Variants in GLIS3 observed in about 807,000 individuals in gnomAD.
GLIS3 encodes zinc finger protein GLIS3.
A neutral mutation model predicts 78.6 loss-of-function variants in GLIS3; 53 were observed. The observed-to-expected ratio is 0.67, with a 90% CI of 0.54 to 0.85. The LOEUF (loss-of-function observed/expected upper bound fraction) is 0.85. GLIS3 is among the 40% of genes least tolerant of loss of function. GLIS3 has a pLI of 0.00. For missense variants in GLIS3, 1,703 were observed against 1,231.1 expected (o/e 1.38, Z -5.74); for synonymous variants, 684 against 509.9 (o/e 1.34, Z -4.60).
chr9:3,990,407 G>C (rs150807597), intron 4 of GLIS3, among the ~76,000 whole-genome samples: 1 of 152,142 alleles, frequency 6.6e-6, no homozygotes, highest in African/African-American at 2.4e-5. Context: ...ACCAAAGATC[G>C]ACCTGCACCT....
intron 4 of GLIS3, among the ~76,000 whole-genome samples, chr9:3,957,059 C>G (rs1363582494): frequency 6.6e-6 from 1 of 152,206 alleles, no homozygotes; most frequent in Non-Finnish European, 1.5e-5. Flanking sequence ...TACTAGGCCT[C>G]TAAGCCACCT....
intron 9 of GLIS3, among the ~76,000 whole-genome samples, chr9:3,834,249 G>T (rs530126869): frequency 6.6e-6 from 1 of 152,092 alleles, no homozygotes; most frequent in African/African-American, 2.4e-5. Context: ...TAAAGCTTTG[G>T]ATTTCGTTTC....
At chr9:4,434,628 G>C in the GLIS3 span, among the ~76,000 whole-genome samples, 1 of 152,166 alleles carries the variant, frequency 6.6e-6, no homozygotes, top group African/African-American at 2.4e-5. Flanking sequence ...ACATGGAGGT[G>C]AAGAAACCTT....
rs1816103855 is a variant in GLIS3, at chr9:3,943,816, T to A, written c.1711-6627A>T. ...TCTGGCATTCTGAAGTGGCCTACAG[T>A]CCTCATTTATCCAGATTATCTGGAA... On this transcript the variant is annotated intron_variant, in intron 4 of 10. Transcript: ENST00000381971. 2.0e-5 allele frequency among the ~76,000 whole-genome samples: 3 copies of A among 152,330 alleles called. No homozygotes were observed. In the South Asian group the frequency reaches 6.2e-4, roughly 32 times the overall value.
At chr9:4,210,771 T>C (rs1820305561) in intron 2 of GLIS3, among the ~76,000 whole-genome samples, 7 of 152,242 alleles carry the variant, frequency 4.6e-5, no homozygotes. Flanking sequence ...CTTCACCTGC[T>C]AGAGCCAGTC....
At chr9:4,138,374 A>C (rs939521432) in intron 2 of GLIS3, among the ~76,000 whole-genome samples, 1 of 152,232 alleles carries the variant, frequency 6.6e-6, no homozygotes, top group African/African-American at 2.4e-5. Flanking sequence ...GAGAGTGTTA[A>C]CTAACACAGG....
chr9:3,982,311 C>T (rs1304515621), intron 4 of GLIS3, among the ~76,000 whole-genome samples: 9 of 151,974 alleles, frequency 5.9e-5, no homozygotes. Flanking sequence ...GTATTAAACG[C>T]AGCTCCTATC....
intron 4 of GLIS3, among the ~76,000 whole-genome samples, chr9:3,966,165 G>A (rs1817919746): frequency 6.6e-6 from 1 of 152,162 alleles, no homozygotes; most frequent in African/African-American, 2.4e-5. Context: ...TGTTCCTAAT[G>A]ACTAAAACAC....
At chr9:4,077,721 G>C (rs2130677333) in intron 4 of GLIS3, among the ~76,000 whole-genome samples, 1 of 152,238 alleles carries the variant, frequency 6.6e-6, no homozygotes, top group Middle Eastern at 3.4e-3. Flanking sequence ...GAAAGAGAAA[G>C]GGCGGGCTGG....
chr9:4,261,254 C>A (rs995320441), intron 2 of GLIS3, among the ~76,000 whole-genome samples: 1 of 152,168 alleles, frequency 6.6e-6, no homozygotes, highest in Admixed American at 6.5e-5. Context: ...AGAATAAACG[C>A]TCCCAATTCA....
chr9:4,306,448 G>C (rs939569663), intron 4 of GLIS3, among the ~76,000 whole-genome samples: 2 of 152,200 alleles, frequency 1.3e-5, no homozygotes, highest in African/African-American at 4.8e-5. Flanking sequence ...AGATAGAGTA[G>C]TTTATCCATT....
rs556982477 is a variant in GLIS3 at position 4,105,857 on chromosome 9, T to C, written c.1710+11911A>G. On this transcript the variant is annotated intron_variant, in intron 4 of 10. Transcript: ENST00000381971. ...AATCTGGCCTTTCCAGGACACACAA[T>C]AGAACACGATCGGGGTGACCCAAGC... Among the ~76,000 whole-genome samples the C allele has an allele frequency of 7.2e-5, 11 of 152,102 alleles. No individual in the cohort carries two copies. In the East Asian group the frequency reaches 7.8e-4, roughly 11 times the overall value.
chr9:3,934,234 G>C (rs1400563566), intron 5 of GLIS3, among the ~76,000 whole-genome samples: 2 of 152,180 alleles, frequency 1.3e-5, no homozygotes, highest in African/African-American at 2.4e-5. Context: ...GGTTTCAGGA[G>C]TGCAACTAGC....
intron 2 of GLIS3, among the ~76,000 whole-genome samples, chr9:4,319,795 A>G (rs1345311505): frequency 2.0e-5 from 3 of 152,110 alleles, no homozygotes; most frequent in African/African-American, 7.2e-5. Flanking sequence ...TCCTACTAGT[A>G]CCTCTTAAAA....
At chr9:4,309,465 A>C (rs1817306995) in intron 3 of GLIS3, among the ~76,000 whole-genome samples, 1 of 152,162 alleles carries the variant, frequency 6.6e-6, no homozygotes, top group South Asian at 2.1e-4. Flanking sequence ...AAGAGTCCTG[A>C]GTGGGTTCTC....
chr9:4,054,585 G>T, intron 4 of GLIS3: 2 of 597,620 alleles, frequency 3.3e-6, no homozygotes, highest in Non-Finnish European at 4.2e-6. Context: ...TCACAAAGCT[G>T]CCTCCTTGAC....
At chr9:4,421,955 T>G in the GLIS3 span, among the ~76,000 whole-genome samples, 1 of 152,220 alleles carries the variant, frequency 6.6e-6, no homozygotes, top group Non-Finnish European at 1.5e-5. Context: ...AACTGAAATT[T>G]AGCATTTTAC....
rs79391712 is a variant in GLIS3 at position 4,331,009 on chromosome 9, G to A, written n.264+16072C>T. ...CATGCATGTCACCATAAGACTGTCC[G>A]GGAGCAAACAGGCCCATCTTGCCCT... On this transcript the variant is annotated intron_variant and non_coding_transcript_variant, in intron 2 of 4. Coordinates refer to the GLIS3 transcript ENST00000471664. 5.4e-3 allele frequency among the ~76,000 whole-genome samples: 817 copies of A among 152,234 alleles called. 1 individual carries two copies. Among genetic ancestry groups the A allele is most frequent in the African/African-American group, 0.017 (717 of 41,530 alleles).
chr9:4,469,559 G>A, the GLIS3 span, among the ~76,000 whole-genome samples: 199 of 152,264 alleles, frequency 1.3e-3, 1 homozygote, highest in African/African-American at 4.5e-3. Context: ...CGAAATGAAG[G>A]CAGAAATAAA....
Sources: gnomAD v4.1 joint callset for allele counts (sites outside exome capture counted in the v4.1 genomes callset) on GRCh38, gnomAD v4.1.1 for gene constraint, MANE v1.5 for transcripts, NCBI Gene and HGNC (gene_info 2026-07-23, HGNC 2026-07-21) for gene names.